CPN1: variants seen among roughly 807,000 people sequenced by gnomAD.
The protein encoded by CPN1 is carboxypeptidase N catalytic chain.
Under a neutral mutation model 46.4 loss-of-function variants are expected in CPN1, and 37 were observed. The ratio of observed to expected loss-of-function variants is 0.80; its 90% CI spans 0.61 to 1.05. CPN1 has a LOEUF of 1.05. Ranked by LOEUF, CPN1 falls within the 50% of genes least tolerant of loss-of-function variation. The probability of loss-of-function intolerance (pLI) is 0.00; values close to 1 mark genes in which losing one functional copy is unlikely to be tolerated. For missense variants in CPN1, 563 were observed against 602.6 expected (o/e 0.93, Z 0.69); for synonymous variants, 224 against 235.4 (o/e 0.95, Z 0.44).
chr10:100,065,685 A>C (rs934761172), intron 3 of CPN1, among the ~76,000 whole-genome samples: 4 of 152,148 alleles, frequency 2.6e-5, no homozygotes, highest in African/African-American at 9.7e-5. Flanking sequence ...ATATATCATC[A>C]TACCTTTGTT....
At position 100,069,814 on chromosome 10, in the gene CPN1, A is replaced by G; in HGVS notation, c.476T>C (p.Leu159Pro). ...ATTGAGATCAGGGAAGTTGCGGTTCAGGTCCACTCCATTTGCATTGTTCCT... is the reference window on the plus strand; with the variant it reads ...ATTGAGATCAGGGAAGTTGCGGTTCGGGTCCACTCCATTTGCATTGTTCCT... ...VGRNNANGVDLNRNFPDLNTY... is the reference protein window; with the variant it reads ...VGRNNANGVDPNRNFPDLNTY... Residue 159 changes from leucine (L) to proline (P), a missense_variant, in exon 3 of 9, where the codon CTG (leucine) becomes CCG (proline). Coordinates refer to ENST00000370418, the MANE Select transcript of CPN1 (RefSeq NM_001308.3). 2 of 1,613,924 alleles carry G rather than the reference A, an allele frequency of 1.2e-6. No individual in the cohort carries two copies. Among genetic ancestry groups the G allele is most frequent in the Non-Finnish European group, 1.7e-6 (2 of 1,179,998 alleles).
At chr10:100,071,284 A>G (rs2041483201) in intron 2 of CPN1, among the ~76,000 whole-genome samples, 1 of 152,194 alleles carries the variant, frequency 6.6e-6, no homozygotes, top group Non-Finnish European at 1.5e-5. Context: ...AACAACAGCA[A>G]TTTATTCTCC....
intron 5 of CPN1, among the ~76,000 whole-genome samples, chr10:100,059,660 T>A: frequency 6.6e-6 from 1 of 151,360 alleles, no homozygotes; most frequent in Non-Finnish European, 1.5e-5. Flanking sequence ...AGGTGGTGTT[T>A]TCTATGGAAA....
Position 100,063,693 on chromosome 10 carries a change from C to G in CPN1, c.792G>C (p.Trp264Cys), listed in dbSNP as rs537519496. ...LAKVYSYAHG[W>C]MFQGWNCGDY... ...CTCCGCAGTTCCAACCTTGGAACAT[C>G]CATCCATGTGCATAGGAGTAGACCT... The change falls in exon 5 of 9, where the codon TGG (tryptophan) becomes TGC (cysteine). Residue 264 changes from tryptophan (W) to cysteine (C), a missense_variant. Transcript: ENST00000370418. 1.9e-6 allele frequency: 3 copies of G among 1,614,026 alleles called. No individual in the cohort carries two copies. The highest frequency in any genetic ancestry group is 1.1e-5 in the South Asian group (1 of 91,070).
intron 1 of CPN1, among the ~76,000 whole-genome samples, chr10:100,080,964 AC>A (rs1322681376): frequency 6.6e-6 from 1 of 152,190 alleles, no homozygotes; most frequent in African/African-American, 2.4e-5. Flanking sequence ...TCTCTGGAAT[AC>A]CACACTGTCA....
chr10:100,053,785 A>T (rs1351528039), intron 7 of CPN1, among the ~76,000 whole-genome samples: 2 of 152,142 alleles, frequency 1.3e-5, no homozygotes, highest in South Asian at 4.1e-4. Context: ...TTACAACACC[A>T]TTCTGCTGTG....
At chr10:100,076,192 T>G in intron 1 of CPN1, 85 bp from the exon 2 acceptor site, 1 of 1,308,808 alleles carries the variant, frequency 7.6e-7, no homozygotes, top group South Asian at 1.2e-5. Flanking sequence ...TCTTTTTCAG[T>G]AACGAATGAA....
intron 5 of CPN1, among the ~76,000 whole-genome samples, chr10:100,059,162 G>C (rs933865669): frequency 6.6e-6 from 1 of 151,906 alleles, no homozygotes; most frequent in African/African-American, 2.4e-5. Context: ...AAAGACACAG[G>C]CAACAAAAGA....
intron 2 of CPN1, among the ~76,000 whole-genome samples, chr10:100,071,727 T>G (rs947302467): frequency 6.6e-6 from 1 of 152,234 alleles, no homozygotes; most frequent in Non-Finnish European, 1.5e-5. Context: ...CCTTAAACAG[T>G]ACATTATAAC....
chr10:100,062,890 C>T (rs1441506875), intron 5 of CPN1, among the ~76,000 whole-genome samples: 1 of 150,990 alleles, frequency 6.6e-6, no homozygotes, highest in Non-Finnish European at 1.5e-5. Context: ...CATCAGTCAC[C>T]ATGCCTGGCC....
At chr10:100,052,323 G>A (rs780599853) in intron 7 of CPN1, among the ~76,000 whole-genome samples, 2 of 151,974 alleles carry the variant, frequency 1.3e-5, no homozygotes, top group South Asian at 4.2e-4. Context: ...CCCCCACCTC[G>A]GCCTCCCAAA....
In CPN1 at chr10:100,076,011, A is replaced by C. The variant is rs777379413; in HGVS notation, c.320T>G (p.Phe107Cys). 6.2e-7 allele frequency: 1 copy of C among 1,614,114 alleles called. No individual in the cohort carries two copies. Among genetic ancestry groups the C allele is most frequent in the Non-Finnish European group, 8.5e-7 (1 of 1,180,038 alleles). ...LQLSEFLCEE[F>C]RNRNQRIVQL... ...GACGATGCGCTGGTTCCTGTTCCGG[A>C]ACTCCTCGCACAGAAACTCCGACAG... The change falls in exon 2 of 9, where the codon TTC (phenylalanine) becomes TGC (cysteine). Residue 107 changes from phenylalanine (F) to cysteine (C), a missense_variant. Coordinates refer to ENST00000370418, the MANE Select transcript of CPN1 (RefSeq NM_001308.3).
chr10:100,051,980 AACCTCC>A (rs2041357112), intron 7 of CPN1, among the ~76,000 whole-genome samples: 2 of 152,048 alleles, frequency 1.3e-5, no homozygotes, highest in Admixed American at 6.5e-5. Context: ...GGCTCACTGC[AACCTCC>A]ACCTCCCGGG....
rs757536670 is a variant in CPN1, at chr10:100,081,592, G to A, written c.34C>T (p.Leu12Phe). 31 of 1,614,196 alleles carry A rather than the reference G, an allele frequency of 1.9e-5. No individual in the cohort carries two copies. The highest frequency in any genetic ancestry group is 2.5e-5 in the Non-Finnish European group (29 of 1,180,042). Residue 12 changes from leucine (L) to phenylalanine (F), a missense_variant, in exon 1 of 9, where the codon CTC becomes TTC. By Grantham distance (22) the Leu-to-Phe change is conservative. Coordinates refer to ENST00000370418, the MANE Select transcript of CPN1 (RefSeq NM_001308.3). ...SDLLSVFLHL[L>F]LLFKLVAPVT... ...GGGGCAACCAACTTGAAGAGAAGGA[G>A]GAGGTGGAGGAAGACTGAGAGCAGG... is the stretch of plus-strand genomic sequence containing the variant.
At chr10:100,061,144 AGAAT>A (rs1464059956) in intron 5 of CPN1, among the ~76,000 whole-genome samples, 3 of 152,182 alleles carry the variant, frequency 2.0e-5, no homozygotes, top group Non-Finnish European at 4.4e-5. Context: ...ATAGTTAGAA[AGAAT>A]GAATGATAGC....
Position 100,048,737 on chromosome 10 carries a change from G to A in CPN1, c.1230+21C>T, listed in dbSNP as rs776236201. On this transcript the variant is annotated intron_variant, in intron 8 of 8. Transcript: ENST00000370418. ...GTATAAGTGATCTCTACAGTGCACC[G>A]TCAAGCTCAGCCTAACTCACCAACG... The A allele has an allele frequency of 4.9e-5, 75 of 1,525,952 alleles. No individual in the cohort carries two copies. In the South Asian group the frequency reaches 4.9e-4, roughly 10 times the overall value. The allele number at this position is 1,525,952 out of a possible 1,614,324, so 94.5% of individuals were successfully genotyped here.
At chr10:100,070,074 C>T (rs572583534) in intron 2 of CPN1, among the ~76,000 whole-genome samples, 2 of 151,928 alleles carry the variant, frequency 1.3e-5, no homozygotes, top group African/African-American at 2.4e-5. Flanking sequence ...AAGCACACAC[C>T]ACCACACCCG....
At chr10:100,051,364 G>T (rs945769892) in intron 7 of CPN1, among the ~76,000 whole-genome samples, 2 of 151,976 alleles carry the variant, frequency 1.3e-5, no homozygotes, top group African/African-American at 2.4e-5. Context: ...CTTAACTGGG[G>T]ACTTGAATCC....
Position 100,057,076 on chromosome 10 carries a change from G to C in CPN1, c.948C>G (p.Pro316=). 1 of 1,614,028 alleles carries C rather than the reference G, an allele frequency of 6.2e-7. No homozygotes were observed. The highest frequency in any genetic ancestry group is 2.2e-5 in the East Asian group (1 of 44,882). ...GCCACTCCCGCTGTAACTCCTCTTC[G>C]GGGGGAAACTTGTCGCAACTCAGTT... ...TLELSCDKFP[P]EEELQREWLG... is the part of the protein sequence containing the mutation. Residue 316 remains proline (P), a synonymous_variant, in exon 6 of 9, where the codon CCC becomes CCG. Coordinates refer to ENST00000370418, the MANE Select transcript of CPN1 (RefSeq NM_001308.3).
Sources: gnomAD v4.1 joint callset for allele counts (sites outside exome capture counted in the v4.1 genomes callset) on GRCh38, gnomAD v4.1.1 for gene constraint, MANE v1.5 for transcripts, NCBI Gene and HGNC (gene_info 2026-07-23, HGNC 2026-07-21) for gene names.